The following NXN variants were observed in gnomAD, a reference collection of about 807,000 sequenced individuals.
The protein encoded by NXN is nucleoredoxin.
NXN carries 16 observed loss-of-function variants against 48.6 expected under a neutral mutation model. The ratio of observed to expected loss-of-function variants is 0.33; its 90% CI spans 0.22 to 0.50. The LOEUF is 0.50. Ranked by LOEUF, NXN falls within the 20% of genes least tolerant of loss-of-function variation. The pLI is 0.98. For synonymous variants in NXN, 281 were observed against 269.6 expected, an observed-to-expected ratio of 1.04 and a Z score of -0.41; for missense variants, 492 against 605.5, an observed-to-expected ratio of 0.81 and a Z score of 1.97.
intron 1 of NXN, among the ~76,000 whole-genome samples, chr17:838,126 CTTTTTT>C (rs66721481): frequency 2.0e-5 from 2 of 99,186 alleles, no homozygotes; most frequent in Non-Finnish European, 3.7e-5. Context: ...TCCTTTCCTT[CTTTTTT>C]TTTTTTTTTT....
chr17:952,171 C>A (rs528057718), intron 1 of NXN, among the ~76,000 whole-genome samples: 1 of 124,984 alleles, frequency 8.0e-6, no homozygotes, highest in East Asian at 2.2e-4. Context: ...TCAGGTCACA[C>A]TGTGGGGGGG....
chr17:953,938 G>A (rs1341419243), intron 1 of NXN, among the ~76,000 whole-genome samples: 4 of 152,218 alleles, frequency 2.6e-5, no homozygotes, highest in Non-Finnish European at 5.9e-5. Flanking sequence ...GGATGATGGT[G>A]CATGCACGTG....
At chr17:868,727 C>T (rs1366850954) in intron 1 of NXN, among the ~76,000 whole-genome samples, 3 of 152,072 alleles carry the variant, frequency 2.0e-5, no homozygotes, top group Admixed American at 6.6e-5. Flanking sequence ...TTCCTGACCT[C>T]GTGATCCGCC....
chr17:891,885 T>C (rs904838334), intron 1 of NXN, among the ~76,000 whole-genome samples: 3 of 122,386 alleles, frequency 2.5e-5, no homozygotes, highest in Non-Finnish European at 5.0e-5. Flanking sequence ...AACCCCACCA[T>C]GTACAACCCA....
chr17:896,857 AC>A, intron 1 of NXN: 2 of 577,920 alleles, frequency 3.5e-6, no homozygotes, highest in Non-Finnish European at 5.3e-6. Context: ...GGTCCTGACC[AC>A]CCGCCCCCGG....
At position 933,735 on chromosome 17, in the gene NXN, T is replaced by C. The variant is rs530832571; in HGVS notation, c.360+45584A>G. Among the ~76,000 whole-genome samples the C allele has an allele frequency of 1.3e-4, 20 of 152,266 alleles. No homozygotes were observed. In the South Asian group the frequency reaches 4.1e-3, roughly 32 times the overall value. On this transcript the variant is annotated intron_variant, in intron 1 of 7. Transcript: ENST00000336868. ...CTCCAGTAAATCCATATCCGTATTATTCACGAGGCACTAACTAGAAAGCTG... is the reference window on the plus strand; with the variant it reads ...CTCCAGTAAATCCATATCCGTATTACTCACGAGGCACTAACTAGAAAGCTG...
chr17:841,648 C>CGGCGCATCTCACACGGGCG (rs1914307098), intron 1 of NXN, among the ~76,000 whole-genome samples: 3 of 136,554 alleles, frequency 2.2e-5, no homozygotes, highest in East Asian at 2.3e-4. Context: ...ACCCTGACCA[C>CGGCGCATCTCACACGGGCG]AGCGCATCTC....
At position 822,072 on chromosome 17, in the gene NXN, A is replaced by C. The variant is rs868686116; in HGVS notation, c.713+285T>G. 7.9e-5 allele frequency among the ~76,000 whole-genome samples: 12 copies of C among 152,146 alleles called. No individual in the cohort carries two copies. The South Asian group carries it at 1.9e-3, about 24-fold the overall frequency. ...AAGGTGGGCGCCTCATGAGGTCAGG[A>C]GTTTGAGACCAGCCTGGCCAACATG... On this transcript the variant is annotated intron_variant, in intron 4 of 7. Coordinates refer to ENST00000336868, the MANE Select transcript of NXN (RefSeq NM_022463.5).
At chr17:974,387 A>G (rs1443932782) in intron 1 of NXN, among the ~76,000 whole-genome samples, 1 of 152,028 alleles carries the variant, frequency 6.6e-6, no homozygotes. Context: ...AGATATATGG[A>G]TATACCTCAT....
intron 4 of NXN, among the ~76,000 whole-genome samples, chr17:820,326 C>A (rs998290318): frequency 2.0e-5 from 3 of 152,158 alleles, no homozygotes; most frequent in Non-Finnish European, 2.9e-5. Context: ...AAAAAAGGGA[C>A]TGTGGCCAGG....
At position 825,867 on chromosome 17, in the gene NXN, A is replaced by T; in HGVS notation, c.478+94T>A. 1.3e-6 allele frequency: 1 copy of T among 767,662 alleles called. No homozygotes were observed. Among genetic ancestry groups the T allele is most frequent in the Non-Finnish European group, 2.2e-6 (1 of 451,746 alleles). 47.6% of individuals were successfully genotyped at this position (767,662 alleles called of 1,614,324 possible). On this transcript the variant is annotated intron_variant, in intron 2 of 7. Transcript: ENST00000336868. The surrounding 1 kb of genome is among the most constrained non-coding windows in gnomAD (Gnocchi z 4.1). The stretch of plus-strand genomic sequence containing the variant: ...ACCCACGTGTATCTATTTCACCAGT[A>T]CTCTCTCCACCGGTGGGACGGAGAT...
chr17:891,037 G>A (rs112095453), intron 1 of NXN, among the ~76,000 whole-genome samples: 7 of 79,116 alleles, frequency 8.8e-5, no homozygotes, highest in African/African-American at 2.9e-4. Context: ...CTGTCTGTCT[G>A]TCTATCTATC....
At chr17:828,445 A>C (rs1050460459) in intron 1 of NXN, among the ~76,000 whole-genome samples, 2 of 131,252 alleles carry the variant, frequency 1.5e-5, no homozygotes, top group African/African-American at 6.1e-5. Context: ...TCTGTCACCC[A>C]GGCTAGAGTG....
Position 826,048 on chromosome 17 carries a change from T to C in NXN, c.391A>G (p.Asn131Asp). The C allele has an allele frequency of 6.2e-7, 1 of 1,613,958 alleles. No individual in the cohort carries two copies. Among genetic ancestry groups the C allele is most frequent in the African/African-American group, 1.3e-5 (1 of 75,034 alleles). Residue 131 changes from asparagine to aspartate, a missense_variant, in exon 2 of 8, where the codon AAC becomes GAC. By Grantham distance (23) the Asn-to-Asp change is conservative (BLOSUM62 1). This residue lies in a region of NXN where 186 missense variants were observed against 199.1 expected (regional missense o/e 0.93). Coordinates refer to ENST00000336868, the MANE Select transcript of NXN (RefSeq NM_022463.5). ...TCGAGGAATATTAGTGATGGAATGT[T>C]GGAAATTCGGTATTTGTTCCAAAGT... ...LKLWNKYRISNIPSLIFLDAT... is the reference protein window; with the variant it reads ...LKLWNKYRISDIPSLIFLDAT...
Position 936,091 on chromosome 17 carries a change from C to CAA in NXN, c.360+43226_360+43227dup, listed in dbSNP as rs71371597. Among the ~76,000 whole-genome samples the CAA allele has an allele frequency of 8.2e-3, 509 of 61,762 alleles. 12 individuals are homozygous for CAA. The highest frequency in any genetic ancestry group is 0.021 in the African/African-American group (328 of 15,368). The allele number at this position is 61,762 out of a possible 152,430, so 40.5% of individuals were successfully genotyped here. A position where few individuals can be genotyped will look rare whatever the true frequency, so the allele number is the denominator to read the frequency against. On this transcript the variant is annotated intron_variant, in intron 1 of 7. Transcript: ENST00000336868. ...TGGGCAACAGGGCAAGATTCCATCT[C>CAA]AAAAAAAAAAAAAAAAAAAACCTCC...
rs71371579 is a variant in NXN at position 801,443 on chromosome 17, C to CTTTTTTTTTTT, written c.1126-323_1126-313dup. The stretch of plus-strand genomic sequence containing the variant: ...CTCAGCATTTTAGAAATGTCACATT[C>CTTTTTTTTTTT]TTTTTTTTTTTTTTTTTTTTGAGAT... On this transcript the variant is annotated intron_variant, in intron 7 of 7. Coordinates refer to ENST00000336868, the MANE Select transcript of NXN (RefSeq NM_022463.5). Among the ~76,000 whole-genome samples, 90 of 104,292 alleles carry CTTTTTTTTTTT rather than the reference C, an allele frequency of 8.6e-4. 3 individuals are homozygous for CTTTTTTTTTTT. The highest frequency in any genetic ancestry group is 2.3e-3 in the East Asian group (7 of 2,980). The allele number at this position is 104,292 out of a possible 152,430, so 68.4% of individuals were successfully genotyped here.
intron 1 of NXN, among the ~76,000 whole-genome samples, chr17:886,016 A>C (rs1452003238): frequency 6.6e-6 from 1 of 151,956 alleles, no homozygotes; most frequent in Non-Finnish European, 1.5e-5. Flanking sequence ...GCTCCTTAGA[A>C]AATTCTAACC....
At chr17:822,223 G>A in intron 4 of NXN, 134 bp downstream of exon 4, 1 of 568,016 alleles carries the variant, frequency 1.8e-6, no homozygotes, top group Non-Finnish European at 3.2e-6. Context: ...AGGTTGCAGT[G>A]AGCTGAGATC....
At chr17:863,177 C>G (rs1454083618) in intron 1 of NXN, among the ~76,000 whole-genome samples, 3 of 151,348 alleles carry the variant, frequency 2.0e-5, no homozygotes, top group African/African-American at 2.4e-5. Context: ...GTTCTGTCTT[C>G]TTTGTTTTTT....
Sources: gnomAD v4.1 joint callset for allele counts (sites outside exome capture counted in the v4.1 genomes callset) on GRCh38, gnomAD v4.1.1 for gene constraint, gnomAD v4.1.1 regional missense constraint, Gnocchi (gnomAD v3.1) non-coding constraint, MANE v1.5 for transcripts, NCBI Gene and HGNC (gene_info 2026-07-23, HGNC 2026-07-21) for gene names.